TTC28: variants seen among roughly 807,000 people sequenced by gnomAD.
TTC28 encodes the protein tetratricopeptide repeat protein 28.
TTC28 carries 61 observed loss-of-function variants against 198.0 expected under a neutral mutation model. The observed-to-expected ratio is 0.31, with a 90% CI of 0.25 to 0.38. The LOEUF is 0.38. Among genes scored for constraint, TTC28 ranks in the 10% least tolerant of loss-of-function variants. The probability of loss-of-function intolerance (pLI) is 1.00; values close to 1 mark genes in which losing one functional copy is unlikely to be tolerated. For missense variants in TTC28, 2,678 were observed against 3,164.0 expected, an observed-to-expected ratio of 0.85 and a Z score of 3.69; for synonymous variants, 1,171 against 1,297.8, an observed-to-expected ratio of 0.90 and a Z score of 2.10.
intron 2 of TTC28, among the ~76,000 whole-genome samples, chr22:28,365,570 A>C (rs1001677191): frequency 2.0e-5 from 3 of 152,232 alleles, no homozygotes; most frequent in African/African-American, 4.8e-5. Flanking sequence ...TCTTTTCATT[A>C]GTGCTAATGG....
intron 2 of TTC28, among the ~76,000 whole-genome samples, chr22:28,467,469 T>C (rs1450532667): frequency 6.6e-6 from 1 of 152,216 alleles, no homozygotes; most frequent in Non-Finnish European, 1.5e-5. Context: ...TAATTCTATA[T>C]TTATTGATTT....
intron 2 of TTC28, among the ~76,000 whole-genome samples, chr22:28,351,047 G>T (rs986682203): frequency 6.6e-6 from 1 of 152,132 alleles, no homozygotes; most frequent in African/African-American, 2.4e-5. Flanking sequence ...GCTGGGTGTG[G>T]TGGCGGGCAC....
chr22:28,629,159 A>G (rs2051126360), intron 2 of TTC28, among the ~76,000 whole-genome samples: 1 of 152,148 alleles, frequency 6.6e-6, no homozygotes, highest in African/African-American at 2.4e-5. Context: ...CTGAAAATAA[A>G]CAGTCATTGA....
At chr22:28,297,015 A>G (rs2044910566) in intron 4 of TTC28, among the ~76,000 whole-genome samples, 1 of 152,182 alleles carries the variant, frequency 6.6e-6, no homozygotes, top group African/African-American at 2.4e-5. Context: ...AATTAAAACT[A>G]AGATGAAAGA....
At chr22:28,393,905 C>CTTTTTG (rs750355723) in intron 2 of TTC28, among the ~76,000 whole-genome samples, 23 of 152,120 alleles carry the variant, frequency 1.5e-4, no homozygotes, top group South Asian at 4.2e-4. Flanking sequence ...CTCCACTTAC[C>CTTTTTG]TTTTTGTTTT....
intron 2 of TTC28, among the ~76,000 whole-genome samples, chr22:28,555,749 C>T (rs1349856976): frequency 1.3e-5 from 2 of 152,008 alleles, no homozygotes; most frequent in East Asian, 1.9e-4. Context: ...GCTGCTCGGG[C>T]GATGGGTGCA....
chr22:28,551,863 G>A (rs576441762), intron 2 of TTC28, among the ~76,000 whole-genome samples: 4 of 152,228 alleles, frequency 2.6e-5, no homozygotes, highest in African/African-American at 7.2e-5. Flanking sequence ...ACATAGTACC[G>A]GAAGTCCTAG....
intron 2 of TTC28, among the ~76,000 whole-genome samples, chr22:28,393,108 C>A (rs1054364754): frequency 6.6e-6 from 1 of 151,996 alleles, no homozygotes. Context: ...GTCTCAAACT[C>A]CTGGGCTCAA....
intron 13 of TTC28, among the ~76,000 whole-genome samples, chr22:28,021,856 G>A (rs1361822022): frequency 1.3e-5 from 2 of 152,166 alleles, no homozygotes; most frequent in Non-Finnish European, 2.9e-5. Context: ...TCTTTAGGAT[G>A]GCTGGAAGGG....
At chr22:28,119,890 T>A (rs1601340266) in intron 6 of TTC28, among the ~76,000 whole-genome samples, 2 of 152,212 alleles carry the variant, frequency 1.3e-5, no homozygotes, top group Non-Finnish European at 2.9e-5. Context: ...TGGTATCCAA[T>A]AATTTAAGCA....
intron 12 of TTC28, among the ~76,000 whole-genome samples, chr22:28,083,218 C>A (rs1941430876): frequency 6.6e-6 from 1 of 151,970 alleles, no homozygotes; most frequent in Admixed American, 6.6e-5. Context: ...TATAGATGTT[C>A]ATTGACAGAT....
intron 2 of TTC28, among the ~76,000 whole-genome samples, chr22:28,321,548 T>C (rs2045446086): frequency 6.6e-6 from 1 of 152,164 alleles, no homozygotes; most frequent in African/African-American, 2.4e-5. Context: ...TCTCACTTTG[T>C]AGCTCTGTGA....
intron 3 of TTC28, 103 bp downstream of exon 3, chr22:28,306,393 T>C: frequency 7.5e-7 from 1 of 1,341,406 alleles, no homozygotes; most frequent in Non-Finnish European, 1.0e-6. Context: ...TCTTAGCAAA[T>C]TTGATAACCT....
At chr22:28,411,063 G>T (rs1333970179) in intron 2 of TTC28, among the ~76,000 whole-genome samples, 1 of 152,048 alleles carries the variant, frequency 6.6e-6, no homozygotes, top group Non-Finnish European at 1.5e-5. Context: ...TCAAGTTTGT[G>T]TAAGAAATAG....
intron 12 of TTC28, among the ~76,000 whole-genome samples, chr22:28,038,022 T>G (rs1325284870): frequency 1.3e-5 from 2 of 152,034 alleles, no homozygotes; most frequent in East Asian, 3.9e-4. Context: ...TAAAAGAGGA[T>G]ACAAACAAAT....
intron 5 of TTC28, among the ~76,000 whole-genome samples, chr22:28,286,690 C>G (rs1254412862): frequency 6.6e-6 from 1 of 152,126 alleles, no homozygotes; most frequent in Non-Finnish European, 1.5e-5. Context: ...TATGGGAATA[C>G]AGATGGCTGA....
chr22:28,199,356 A>G (rs1925671690), intron 5 of TTC28, among the ~76,000 whole-genome samples: 1 of 145,992 alleles, frequency 6.8e-6, no homozygotes, highest in Non-Finnish European at 1.5e-5. Flanking sequence ...AACAATACTT[A>G]AAGTATAATG....
chr22:28,084,692 T>C (rs929313730), intron 12 of TTC28, among the ~76,000 whole-genome samples: 19 of 151,294 alleles, frequency 1.3e-4, no homozygotes, highest in Admixed American at 4.0e-4. Flanking sequence ...AGAGGAAGGC[T>C]TCAGAAGATC....
At chr22:28,207,670 C>G (rs1926541835) in intron 5 of TTC28, among the ~76,000 whole-genome samples, 1 of 152,078 alleles carries the variant, frequency 6.6e-6, no homozygotes, top group African/African-American at 2.4e-5. Flanking sequence ...AAAGGATGGG[C>G]TTTAGAGACA....
Sources: gnomAD v4.1 joint callset for allele counts (sites outside exome capture counted in the v4.1 genomes callset) on GRCh38, gnomAD v4.1.1 for gene constraint, MANE v1.5 for transcripts, NCBI Gene and HGNC (gene_info 2026-07-23, HGNC 2026-07-21) for gene names.